The following LSG1 variants were observed in gnomAD, a reference collection of about 807,000 sequenced individuals.
The protein encoded by LSG1 is large 60S subunit nuclear export GTPase 1.
LSG1 carries 55 observed loss-of-function variants against 82.6 expected under a neutral mutation model. That is an observed-to-expected ratio of 0.67 (90% CI 0.54 to 0.83). The LOEUF is 0.83. LSG1 is among the 40% of genes least tolerant of loss of function. The probability of loss-of-function intolerance (pLI) is 0.00; values close to 1 mark genes in which losing one functional copy is unlikely to be tolerated. For missense variants in LSG1, 809 were observed against 807.9 expected (o/e 1.00, Z -0.02); for synonymous variants, 272 against 282.5 (o/e 0.96, Z 0.37).
intron 5 of LSG1, among the ~76,000 whole-genome samples, chr3:194,664,753 A>C (rs369294596): frequency 5.3e-4 from 80 of 151,886 alleles, no homozygotes; most frequent in African/African-American, 1.9e-3. Context: ...GTCTCTACTA[A>C]AAATACAAAA....
intron 12 of LSG1, among the ~76,000 whole-genome samples, chr3:194,645,555 C>CAGACAG (rs1560219761): frequency 1.6e-4 from 7 of 44,498 alleles, no homozygotes; most frequent in Admixed American, 8.2e-4. Context: ...CACACACACA[C>CAGACAG]ACACACACAC....
chr3:194,669,156 A>G (rs1391566237), intron 2 of LSG1, among the ~76,000 whole-genome samples: 3 of 152,242 alleles, frequency 2.0e-5, no homozygotes, highest in Non-Finnish European at 2.9e-5. Flanking sequence ...CACATTTATT[A>G]GTTAATAATA....
At chr3:194,642,880 A>T (rs1278430787) in intron 13 of LSG1, among the ~76,000 whole-genome samples, 2 of 152,248 alleles carry the variant, frequency 1.3e-5, no homozygotes, top group Non-Finnish European at 2.9e-5. Flanking sequence ...TAGGAGCTAC[A>T]AACATCTAAG....
In LSG1 at chr3:194,646,146, GA is replaced by G; in HGVS notation, c.1623+17del. 6.2e-7 allele frequency: 1 copy of G among 1,612,568 alleles called. No individual in the cohort carries two copies. The highest frequency in any genetic ancestry group is 2.2e-5 in the East Asian group (1 of 44,858). On this transcript the variant is annotated intron_variant, in intron 12 of 13. Transcript: ENST00000265245. The stretch of plus-strand genomic sequence containing the variant: ...AAGACTTGTGTATTGGAGAGCATGA[GA>G]GGCAGGGTTCACTTACACTGACATA...
chr3:194,645,597 C>CACAGACAG (rs1718532603), intron 12 of LSG1, among the ~76,000 whole-genome samples: 2 of 112,400 alleles, frequency 1.8e-5, no homozygotes, highest in African/African-American at 7.2e-5. Context: ...CACACACACA[C>CACAGACAG]ACACACACAC....
Position 194,644,691 on chromosome 3 carries a change from T to C in LSG1, c.1679A>G (p.His560Arg), listed in dbSNP as rs554900825. ...PPGRDPVTFQHQHQRLLENKM... is the reference protein window; with the variant it reads ...PPGRDPVTFQRQHQRLLENKM... ...GTTCTCTAGGAGTCGCTGGTGTTGA[T>C]GCTGAAAAGTTACAGGATCTCTTCC... Residue 560 changes from histidine (H) to arginine (R), a missense_variant, in exon 13 of 14, where the codon CAT (histidine) becomes CGT (arginine). Transcript: ENST00000265245. 2.2e-5 allele frequency: 36 copies of C among 1,610,568 alleles called. No individual in the cohort carries two copies. The East Asian group carries it at 7.4e-4, about 33-fold the overall frequency.
At position 194,659,125 on chromosome 3, in the gene LSG1, A is replaced by G; in HGVS notation, c.591T>C (p.Tyr197=). ...LLFRCEDLEC[Y]VKEMDANKEN... is the part of the protein sequence containing the mutation. ...CCTTATTGGCATCCATTTCTTTCAC[A>G]TAACATTCCTAAGCAAGACAAAGAG... The change falls in exon 7 of 14, where the codon TAT becomes TAC. Residue 197 remains tyrosine (Y), a synonymous_variant. Coordinates refer to ENST00000265245, the MANE Select transcript of LSG1 (RefSeq NM_018385.3). The G allele has an allele frequency of 6.2e-7, 1 of 1,612,744 alleles. No individual in the cohort carries two copies. The highest frequency in any genetic ancestry group is 8.5e-7 in the Non-Finnish European group (1 of 1,178,950).
chr3:194,650,815 C>T, intron 10 of LSG1, 66 bp downstream of exon 10: 1 of 1,511,802 alleles, frequency 6.6e-7, no homozygotes, highest in South Asian at 1.3e-5. Context: ...CCTCAAATGC[C>T]CAAAATAAAC....
Position 194,643,647 on chromosome 3 carries a change from C to G in LSG1, c.1797+926G>C, listed in dbSNP as rs929115372. ...ACGTTTGGAAAGTTTGGCAATACCTCAAATGTTAAACATGGAGTTGCAATA... is the reference window on the plus strand; with the variant it reads ...ACGTTTGGAAAGTTTGGCAATACCTGAAATGTTAAACATGGAGTTGCAATA... On this transcript the variant is annotated intron_variant, in intron 13 of 13. Coordinates refer to ENST00000265245, the MANE Select transcript of LSG1 (RefSeq NM_018385.3). Among the ~76,000 whole-genome samples, 27 of 152,244 alleles carry G rather than the reference C, an allele frequency of 1.8e-4. No individual in the cohort carries two copies. In the East Asian group the frequency reaches 4.6e-3, roughly 26 times the overall value.
In LSG1 at chr3:194,652,975, G is replaced by A; in HGVS notation, c.927C>T (p.Asp309=). Residue 309 remains aspartate, a synonymous_variant, in exon 8 of 14, where the codon GAC becomes GAT. Transcript: ENST00000265245. ...TTDEDDSEYE[D]CPEEEEDDWQ... ...AGTCGTCTTCCTCCTCCTCTGGACAGTCCTCATACTCACTGTCATCTTCAT... is the reference window on the plus strand; with the variant it reads ...AGTCGTCTTCCTCCTCCTCTGGACAATCCTCATACTCACTGTCATCTTCAT... The A allele has an allele frequency of 6.2e-7, 1 of 1,614,144 alleles. No individual in the cohort carries two copies. Among genetic ancestry groups the A allele is most frequent in the Non-Finnish European group, 8.5e-7 (1 of 1,180,042 alleles).
At chr3:194,652,698 G>C in intron 8 of LSG1, 31 bp downstream of exon 8, 1 of 1,586,226 alleles carries the variant, frequency 6.3e-7, no homozygotes, top group South Asian at 1.1e-5. Context: ...ACAATCACGT[G>C]GTAACAATGT....
chr3:194,653,001 C>G lies in LSG1; in HGVS notation c.901G>C (p.Asp301His). 1.9e-6 allele frequency: 3 copies of G among 1,614,154 alleles called. No homozygotes were observed. The highest frequency in any genetic ancestry group is 2.5e-6 in the Non-Finnish European group (3 of 1,180,030). Residue 301 changes from aspartate (D) to histidine (H), a missense_variant, in exon 8 of 14, where the codon GAT becomes CAT. Physicochemically the swap from Asp to His is moderately conservative, Grantham distance 81. Transcript: ENST00000265245. ...TCCTCATACTCACTGTCATCTTCAT[C>G]CGTTGTGGGATTTTCACTAAGTGAA... ...SPSLSENPTT[D>H]EDDSEYEDCP...
intron 1 of LSG1, 55 bp from the exon 2 acceptor site, chr3:194,670,190 C>A: frequency 6.3e-7 from 1 of 1,598,480 alleles, no homozygotes; most frequent in Non-Finnish European, 8.5e-7. Context: ...TCTTGGCATC[C>A]AATAAGCTCT....
At chr3:194,663,115 G>A (rs1718966655) in intron 5 of LSG1, among the ~76,000 whole-genome samples, 1 of 151,966 alleles carries the variant, frequency 6.6e-6, no homozygotes, top group Non-Finnish European at 1.5e-5. Flanking sequence ...TGTGAAGATG[G>A]AGGGTGCTGT....
rs1718394955 is a variant in LSG1, at chr3:194,641,810, T to G, written c.*258A>C. Reference sequence around the variant, plus strand: ...TTTGTATTTTTAGTAGAGACGGGGTTTCTCCATGTTGGTGCGTGAGCCACT... The same window carrying G: ...TTTGTATTTTTAGTAGAGACGGGGTGTCTCCATGTTGGTGCGTGAGCCACT... On this transcript the variant is annotated 3_prime_UTR_variant, in exon 14 of 14. Coordinates refer to ENST00000265245, the MANE Select transcript of LSG1 (RefSeq NM_018385.3). The G allele has an allele frequency of 6.1e-6, 2 of 329,126 alleles. No homozygotes were observed. Among genetic ancestry groups the G allele is most frequent in the Non-Finnish European group, 1.1e-5 (2 of 182,442 alleles). 20.4% of individuals were successfully genotyped at this position (329,126 alleles called of 1,614,324 possible).
Position 194,657,361 on chromosome 3 carries a change from C to T in LSG1, c.759+1596G>A, listed in dbSNP as rs553885596. On this transcript the variant is annotated intron_variant, in intron 7 of 13. Coordinates refer to ENST00000265245, the MANE Select transcript of LSG1 (RefSeq NM_018385.3). ...AAATGAACTCTACCTTGGTACTAAA[C>T]CATTAACATATTTAAAAGGAACAGT... Among the ~76,000 whole-genome samples, 37 of 151,836 alleles carry T rather than the reference C, an allele frequency of 2.4e-4. 1 individual carries two copies. In the Middle Eastern group the frequency reaches 0.034, roughly 141 times the overall value.
Position 194,659,088 on chromosome 3 carries a change from G to C in LSG1, c.628C>G (p.Leu210Val). Residue 210 changes from leucine to valine, a missense_variant, in exon 7 of 14, where the codon CTG (leucine) becomes GTG (valine). By Grantham distance (32) the Leu-to-Val change is conservative. Coordinates refer to ENST00000265245, the MANE Select transcript of LSG1 (RefSeq NM_018385.3). ...EMDANKENVI[L>V]INKADLLTAE... ...GTCAGCAAGTCTGCCTTGTTGATCAGAATGACGTTCTCCTTATTGGCATCC... is the reference window on the plus strand; with the variant it reads ...GTCAGCAAGTCTGCCTTGTTGATCACAATGACGTTCTCCTTATTGGCATCC... 1.2e-6 allele frequency: 2 copies of C among 1,614,166 alleles called. No homozygotes were observed. Among genetic ancestry groups the C allele is most frequent in the Middle Eastern group, 1.6e-4 (1 of 6,062 alleles).
At chr3:194,651,328 A>G in intron 8 of LSG1, 112 bp from the exon 9 acceptor site, 1 of 704,684 alleles carries the variant, frequency 1.4e-6, no homozygotes, top group South Asian at 1.7e-5. Context: ...TACTTTAGAA[A>G]ATTATTTGAA....
rs1718543388 is a variant in LSG1 at position 194,646,018 on chromosome 3, A to C, written c.1623+146T>G. 1.9e-5 allele frequency: 14 copies of C among 732,908 alleles called. No homozygotes were observed. The South Asian group carries it at 2.2e-4, about 12-fold the overall frequency. 45.4% of individuals were successfully genotyped at this position (732,908 alleles called of 1,614,324 possible). A position where few individuals can be genotyped will look rare whatever the true frequency, so the allele number is the denominator to read the frequency against. On this transcript the variant is annotated intron_variant, in intron 12 of 13. Transcript: ENST00000265245. Reference sequence around the variant, plus strand: ...TTTTGTAATGTCTATAATCCATATAATGTTAACTACCCTACATCAAGAACA... The same window carrying C: ...TTTTGTAATGTCTATAATCCATATACTGTTAACTACCCTACATCAAGAACA...
Sources: allele counts gnomAD v4.1 joint callset (sites outside exome capture counted in the v4.1 genomes callset), GRCh38; gene constraint gnomAD v4.1.1; transcripts MANE v1.5; gene names NCBI Gene and HGNC (gene_info 2026-07-23, HGNC 2026-07-21).